Variants in DLAT observed in about 807,000 individuals in gnomAD.
DLAT encodes dihydrolipoyllysine-residue acetyltransferase component of pyruvate dehydrogenase complex, mitochondrial.
Under a neutral mutation model 68.0 loss-of-function variants are expected in DLAT, and 43 were observed. The observed-to-expected ratio is 0.63, with a 90% CI of 0.50 to 0.81. DLAT has a LOEUF of 0.81. Ranked by LOEUF, DLAT falls within the 40% of genes least tolerant of loss-of-function variation. The pLI is 0.00. For missense variants in DLAT, 745 were observed against 815.4 expected (o/e 0.91, Z 1.05); for synonymous variants, 265 against 288.6 (o/e 0.92, Z 0.83).
chr11:112,029,109 T>G (rs1248398191), intron 4 of DLAT, among the ~76,000 whole-genome samples, 164 bp downstream of exon 4: 1 of 152,240 alleles, frequency 6.6e-6, no homozygotes, highest in Non-Finnish European at 1.5e-5. Context: ...TTCTTCCTGG[T>G]TGTTATTTCC....
chr11:112,039,421 A>C, intron 7 of DLAT, 24 bp downstream of exon 7: 1 of 1,612,782 alleles, frequency 6.2e-7, no homozygotes, highest in Non-Finnish European at 8.5e-7. Context: ...TATAGAATGG[A>C]CTTTATAAAG....
At chr11:112,032,164 A>G (rs1360508552) in intron 4 of DLAT, among the ~76,000 whole-genome samples, 5 of 151,752 alleles carry the variant, frequency 3.3e-5, no homozygotes. Context: ...AAGTGCTGGG[A>G]TTACAGATGT....
In DLAT at chr11:112,025,675, C is replaced by T. The variant is rs587649380; in HGVS notation, c.203C>T (p.Thr68Met). ...GGCTGGACCCCCAGTTCTGGGGCCA[C>T]GCCGCGGAACCGCTTACTGCTGCAG... ...LCGWTPSSGA[T>M]PRNRLLLQLL... The change falls in exon 1 of 14, where the codon ACG becomes ATG. Residue 68 changes from threonine (T) to methionine (M), a missense_variant. By Grantham distance (81) the Thr-to-Met change is moderately conservative. Coordinates refer to ENST00000280346, the MANE Select transcript of DLAT (RefSeq NM_001931.5). 6.8e-6 allele frequency: 11 copies of T among 1,613,066 alleles called. No homozygotes were observed. Among genetic ancestry groups the T allele is most frequent in the Non-Finnish European group, 8.5e-6 (10 of 1,179,966 alleles).
rs748446519 is a variant in DLAT at position 112,025,443 on chromosome 11, G to A, written c.-30G>A. The A allele has an allele frequency of 2.1e-5, 33 of 1,603,808 alleles. No homozygotes were observed. The highest frequency in any genetic ancestry group is 2.6e-5 in the Non-Finnish European group (31 of 1,177,248). On this transcript the variant is annotated 5_prime_UTR_variant, in exon 1 of 14. Coordinates refer to ENST00000280346, the MANE Select transcript of DLAT (RefSeq NM_001931.5). ...GAGAGGTCACTCCGGAGACGGCGTT[G>A]GTTTTGGGGTGTGGGGGGTTGGTGG... is the stretch of plus-strand genomic sequence containing the variant.
In DLAT at chr11:112,063,992, T is replaced by C. The variant is rs1864795916; in HGVS notation, c.*1457T>C. 5.1e-6 allele frequency: 3 copies of C among 583,432 alleles called. No individual in the cohort carries two copies. In the South Asian group the frequency reaches 7.9e-5, roughly 15 times the overall value. 36.1% of individuals were successfully genotyped at this position (583,432 alleles called of 1,614,324 possible). The stretch of plus-strand genomic sequence containing the variant: ...TTTCTAAATATTCATTATTACATGG[T>C]ACACAAGTGACACTCCATATATTCC... On this transcript the variant is annotated 3_prime_UTR_variant, in exon 14 of 14. Transcript: ENST00000280346.
intron 8 of DLAT, among the ~76,000 whole-genome samples, chr11:112,044,269 A>G (rs1863194765): frequency 6.6e-6 from 1 of 152,136 alleles, no homozygotes; most frequent in African/African-American, 2.4e-5. Context: ...ATCTTGGCTC[A>G]TTGCAACCTC....
chr11:112,046,246 T>C (rs1863308724), intron 10 of DLAT, among the ~76,000 whole-genome samples: 1 of 152,190 alleles, frequency 6.6e-6, no homozygotes, highest in African/African-American at 2.4e-5. Flanking sequence ...TTTTATACTT[T>C]TAGTTCTTAT....
intron 11 of DLAT, among the ~76,000 whole-genome samples, chr11:112,057,829 C>G (rs1864194207): frequency 6.6e-6 from 1 of 151,430 alleles, no homozygotes; most frequent in Non-Finnish European, 1.5e-5. Flanking sequence ...CAAGATCTAC[C>G]AGCAAAAAAT....
intron 12 of DLAT, among the ~76,000 whole-genome samples, chr11:112,060,791 C>T (rs782269009): frequency 2.6e-5 from 4 of 152,032 alleles, no homozygotes; most frequent in African/African-American, 4.8e-5. Flanking sequence ...ATTGACACAC[C>T]GTTCTGAAAA....
rs886047693 is a variant in DLAT, at chr11:112,028,535, T to C, written c.402T>C (p.Thr134=). The change falls in exon 3 of 14, where the codon ACT becomes ACC. Residue 134 remains threonine (T), a synonymous_variant. Coordinates refer to ENST00000280346, the MANE Select transcript of DLAT (RefSeq NM_001931.5). ...AAAAGGTTGAAACTGATAAAGCCAC[T>C]GTTGGATTTGAGAGCCTGGAGGAGT... The part of the protein sequence containing the change: ...LIAEVETDKA[T]VGFESLEECY... 35 of 1,613,726 alleles carry C rather than the reference T, an allele frequency of 2.2e-5. No homozygotes were observed. The East Asian group carries it at 7.8e-4, about 36-fold the overall frequency.
At chr11:112,037,903 A>T (rs956996885) in intron 6 of DLAT, among the ~76,000 whole-genome samples, 9 of 152,134 alleles carry the variant, frequency 5.9e-5, no homozygotes, top group South Asian at 2.1e-4. Flanking sequence ...TGTCACTTGA[A>T]ATCCTCTTGT....
rs1415716165 is a variant in DLAT at position 112,060,957 on chromosome 11, A to T, written c.1678-81A>T. The T allele has an allele frequency of 3.8e-6, 5 of 1,299,770 alleles. No homozygotes were observed. In the Admixed American group the frequency reaches 6.2e-5, roughly 16 times the overall value. 80.5% of individuals were successfully genotyped at this position (1,299,770 alleles called of 1,614,324 possible). On this transcript the variant is annotated intron_variant, in intron 12 of 13. Coordinates refer to ENST00000280346, the MANE Select transcript of DLAT (RefSeq NM_001931.5). ...TAAGACCTTGCACCTTTTTAGCTTA[A>T]GGTCTTTTCACAGAACATTTGTCAA... is the stretch of plus-strand genomic sequence containing the variant.
chr11:112,030,164 G>A (rs2137707980), intron 4 of DLAT: 1 of 654,048 alleles, frequency 1.5e-6, no homozygotes, highest in Non-Finnish European at 2.9e-6. Flanking sequence ...AATCCTTTAT[G>A]ACCCTGTGGA....
Position 112,028,964 on chromosome 11 carries a change from G to C in DLAT, c.660+19G>C, listed in dbSNP as rs1555179715. On this transcript the variant is annotated intron_variant, in intron 4 of 13. Transcript: ENST00000280346. ...CATGCAGGTGAGGCTCAGCCTCTGA[G>C]TTTTTGCTCTAGGTGATTACTTACT... The C allele has an allele frequency of 3.1e-6, 5 of 1,613,868 alleles. No individual in the cohort carries two copies. Among genetic ancestry groups the C allele is most frequent in the East Asian group, 4.5e-5 (2 of 44,886 alleles).
At chr11:112,050,083 G>T (rs1863528092) in intron 10 of DLAT, among the ~76,000 whole-genome samples, 1 of 152,164 alleles carries the variant, frequency 6.6e-6, no homozygotes, top group Non-Finnish European at 1.5e-5. Flanking sequence ...ATGAAAAGGG[G>T]TATTGAATTT....
intron 4 of DLAT, among the ~76,000 whole-genome samples, chr11:112,031,919 A>T (rs1862425497): frequency 4.8e-5 from 4 of 82,526 alleles, no homozygotes; most frequent in Admixed American, 1.9e-4. Flanking sequence ...TTTTTTTGAG[A>T]CAGTCTTGCT....
chr11:112,052,478 A>G (rs1863707518), intron 11 of DLAT, among the ~76,000 whole-genome samples: 1 of 152,162 alleles, frequency 6.6e-6, no homozygotes, highest in African/African-American at 2.4e-5. Flanking sequence ...AGGACAATTC[A>G]CAGAACTTGG....
At chr11:112,059,473 A>G (rs1566639845) in intron 11 of DLAT, among the ~76,000 whole-genome samples, 1 of 151,070 alleles carries the variant, frequency 6.6e-6, no homozygotes, top group Non-Finnish European at 1.5e-5. Context: ...GCTCACTGCA[A>G]CCTCCACCTC....
chr11:112,055,841 A>G (rs1381888831), intron 11 of DLAT, among the ~76,000 whole-genome samples: 1 of 107,568 alleles, frequency 9.3e-6, no homozygotes, highest in Non-Finnish European at 1.8e-5. Flanking sequence ...GTGCCAGCAT[A>G]TAGACACTTT....
Sources: gnomAD v4.1 joint callset for allele counts (sites outside exome capture counted in the v4.1 genomes callset) on GRCh38, gnomAD v4.1.1 for gene constraint, MANE v1.5 for transcripts, NCBI Gene and HGNC (gene_info 2026-07-23, HGNC 2026-07-21) for gene names.